The following DHRS4 variants were observed in gnomAD, a reference collection of about 807,000 sequenced individuals.
DHRS4 encodes the protein dehydrogenase/reductase SDR family member 4.
In DHRS4, 20 loss-of-function variants were observed where a neutral mutation model predicts 28.4. That is an observed-to-expected ratio of 0.71 (90% CI 0.50 to 1.02). The LOEUF is 1.02. Ranked by LOEUF, DHRS4 falls within the 50% of genes least tolerant of loss-of-function variation. The pLI, the probability that DHRS4 is intolerant of heterozygous loss-of-function variation, is 0.00. For missense variants in DHRS4, 378 were observed against 367.2 expected, an observed-to-expected ratio of 1.03 and a Z score of -0.24; for synonymous variants, 144 against 146.4, an observed-to-expected ratio of 0.98 and a Z score of 0.12.
rs1566469327 is a variant in DHRS4, at chr14:23,956,598, C to CTT, written c.306+1386_306+1387insTT. Among the ~76,000 whole-genome samples, 74 of 127,004 alleles carry CTT rather than the reference C, an allele frequency of 5.8e-4. 1 individual carries two copies. Among genetic ancestry groups the CTT allele is most frequent in the African/African-American group, 2.7e-3 (61 of 22,184 alleles). 83.3% of individuals were successfully genotyped at this position (127,004 alleles called of 152,430 possible). A position where few individuals can be genotyped will look rare whatever the true frequency, so the allele number is the denominator to read the frequency against. On this transcript the variant is annotated intron_variant, in intron 2 of 7. Transcript: ENST00000313250. ...AGATAGAGGCCATGGGCCTCCATAT[C>CTT]CTTTTTTTTTTTTTTTTTTTTTTGA...
rs1365658178 is a variant in DHRS4, at chr14:23,968,632, G to C, written c.723-125G>C. On this transcript the variant is annotated intron_variant, in intron 7 of 7. Transcript: ENST00000313250. ...ACCCTATTTGATAGGCAGAAAGCTT[G>C]TACACTGACCCTGAAAAAGCCATCT... is the stretch of plus-strand genomic sequence containing the variant. The C allele has an allele frequency of 9.9e-6, 15 of 1,514,592 alleles. 1 individual carries two copies. Among genetic ancestry groups the C allele is most frequent in the South Asian group, 9.8e-5 (8 of 81,858 alleles). 93.8% of individuals were successfully genotyped at this position (1,514,592 alleles called of 1,614,324 possible).
Position 23,968,754 on chromosome 14 carries a change from C to T in DHRS4, c.723-3C>T, listed in dbSNP as rs552533255. ...CTCCTTCCTTGCTTCCCTTATTCCC[C>T]AGGTTAGGCGAGCCAGAGGATTGTG... On this transcript the variant is annotated splice_polypyrimidine_tract_variant and splice_region_variant and intron_variant, in intron 7 of 7. Coordinates refer to ENST00000313250, the MANE Select transcript of DHRS4 (RefSeq NM_021004.4). 7.1e-5 allele frequency: 114 copies of T among 1,605,180 alleles called. 2 individuals carry two copies. In the South Asian group the frequency reaches 1.2e-3, roughly 17 times the overall value.
At chr14:23,959,374 A>T (rs1175792942) in intron 2 of DHRS4, among the ~76,000 whole-genome samples, 2 of 152,162 alleles carry the variant, frequency 1.3e-5, no homozygotes, top group East Asian at 3.9e-4. Context: ...CCTGGGCAAC[A>T]TGGCAAGACC....
chr14:23,964,794 T>C (rs1404703752), intron 3 of DHRS4, among the ~76,000 whole-genome samples: 99 of 147,990 alleles, frequency 6.7e-4, no homozygotes, highest in Non-Finnish European at 1.2e-3. Flanking sequence ...CAGGCTGTTC[T>C]CGAACTCCTG....
In DHRS4 at chr14:23,966,331, A is replaced by G. The variant is rs1251200239; in HGVS notation, c.580A>G (p.Lys194Glu). 1.2e-6 allele frequency: 2 copies of G among 1,614,062 alleles called. No homozygotes were observed. Among genetic ancestry groups the G allele is most frequent in the Non-Finnish European group, 1.7e-6 (2 of 1,180,024 alleles). The part of the protein sequence containing the change: ...VSKTALLGLT[K>E]TLAIELAPRN... ...TAAAACAGCCTTGCTGGGCCTGACC[A>G]AGACCCTGGCCATAGAGCTGGCCCC... Residue 194 changes from lysine to glutamate, a missense_variant, in exon 6 of 8, where the codon AAG (lysine) becomes GAG (glutamate). Physicochemically the swap from Lys to Glu is moderately conservative, Grantham distance 56. Transcript: ENST00000313250.
intron 1 of DHRS4, among the ~76,000 whole-genome samples, chr14:23,954,657 A>G (rs2033018949): frequency 6.6e-6 from 1 of 152,256 alleles, no homozygotes; most frequent in Non-Finnish European, 1.5e-5. Context: ...GATGTAGACG[A>G]GTAAGAAAGA....
intron 3 of DHRS4, among the ~76,000 whole-genome samples, chr14:23,963,293 G>T: frequency 8.3e-6 from 1 of 120,660 alleles, no homozygotes. Flanking sequence ...AGCTATTAAA[G>T]CCCTACATGG....
intron 2 of DHRS4, 29 bp downstream of exon 2, chr14:23,955,241 C>T: frequency 6.3e-7 from 1 of 1,599,996 alleles, no homozygotes; most frequent in South Asian, 1.1e-5. Flanking sequence ...GGCACAGAGC[C>T]AGGAGGTGGA....
rs1276909557 is a variant in DHRS4, at chr14:23,968,900, T to G, written c.*29T>G. On this transcript the variant is annotated 3_prime_UTR_variant, in exon 8 of 8. Coordinates refer to ENST00000313250, the MANE Select transcript of DHRS4 (RefSeq NM_021004.4). ...CCGGGAGACAGCCCACAGGCCAGAG[T>G]TGGGCTCTAGCTCCTGGTGCTGTTC... 3 of 1,605,468 alleles carry G rather than the reference T, an allele frequency of 1.9e-6. No homozygotes were observed. Among genetic ancestry groups the G allele is most frequent in the South Asian group, 2.2e-5 (2 of 89,844 alleles).
chr14:23,957,571 T>C (rs1415046830), intron 2 of DHRS4, among the ~76,000 whole-genome samples: 1 of 151,216 alleles, frequency 6.6e-6, no homozygotes, highest in Non-Finnish European at 1.5e-5. Flanking sequence ...TTTTTTTTTT[T>C]CCAGAGACAG....
chr14:23,960,797 G>C (rs181757243), intron 3 of DHRS4, among the ~76,000 whole-genome samples: 61 of 152,202 alleles, frequency 4.0e-4, no homozygotes, highest in African/African-American at 1.4e-3. Context: ...AGGAATATCT[G>C]AGCTGGGCAA....
chr14:23,961,346 C>T (rs1410185618), intron 3 of DHRS4, among the ~76,000 whole-genome samples: 8 of 130,118 alleles, frequency 6.1e-5, no homozygotes, highest in African/African-American at 2.5e-4. Context: ...GACCTTTTCT[C>T]TATATTAAAA....
chr14:23,966,061 T>C lies in DHRS4; in HGVS notation c.531+78T>C, dbSNP rs896418936. On this transcript the variant is annotated intron_variant, in intron 5 of 7. Transcript: ENST00000313250. Reference sequence around the variant, plus strand: ...CCACCCCTCCTATTACCCAAGGAAGTTTGTGTCCCCTTGTAGAATCACACC... The same window carrying C: ...CCACCCCTCCTATTACCCAAGGAAGCTTGTGTCCCCTTGTAGAATCACACC... 5 of 1,607,128 alleles carry C rather than the reference T, an allele frequency of 3.1e-6. No individual in the cohort carries two copies. In the African/African-American group the frequency reaches 4.0e-5, roughly 13 times the overall value.
chr14:23,957,555 TC>T (rs66683150), intron 2 of DHRS4, among the ~76,000 whole-genome samples: 22,349 of 148,836 alleles, frequency 0.15, 3,764 homozygotes, highest in African/African-American at 0.43. Context: ...TAGAAGACTT[TC>T]CTTTTTTTTT....
intron 2 of DHRS4, among the ~76,000 whole-genome samples, chr14:23,957,255 A>G (rs1021062748): frequency 6.6e-6 from 1 of 152,310 alleles, no homozygotes. Context: ...TTGTATGACC[A>G]TTGTCAGAGA....
At chr14:23,961,805 A>T (rs1409173881) in intron 3 of DHRS4, among the ~76,000 whole-genome samples, 1 of 140,608 alleles carries the variant, frequency 7.1e-6, no homozygotes, top group Non-Finnish European at 1.5e-5. Context: ...GAGCCACCAC[A>T]CACAGCCAGA....
intron 3 of DHRS4, among the ~76,000 whole-genome samples, chr14:23,961,659 C>T (rs1235435259): frequency 8.9e-6 from 1 of 111,906 alleles, no homozygotes; most frequent in African/African-American, 4.4e-5. Flanking sequence ...CCTGGGACTA[C>T]AGGCATGTGC....
chr14:23,966,343 A>T lies in DHRS4; in HGVS notation c.592A>T (p.Ile198Leu), dbSNP rs1477822924. ...GCTGGGCCTGACCAAGACCCTGGCC[A>T]TAGAGCTGGCCCCAAGGAACATTAG... The part of the protein sequence containing the change: ...ALLGLTKTLA[I>L]ELAPRNIRVN... Residue 198 changes from isoleucine to leucine, a missense_variant, in exon 6 of 8, where the codon ATA becomes TTA. Ile to Leu is a conservative substitution (Grantham distance 5). Coordinates refer to ENST00000313250, the MANE Select transcript of DHRS4 (RefSeq NM_021004.4). 1 of 1,614,068 alleles carries T rather than the reference A, an allele frequency of 6.2e-7. No homozygotes were observed. Among genetic ancestry groups the T allele is most frequent in the Non-Finnish European group, 8.5e-7 (1 of 1,180,028 alleles).
At chr14:23,968,211 C>T (rs1010169047) in intron 7 of DHRS4, 2 of 152,656 alleles carry the variant, frequency 1.3e-5, no homozygotes, top group African/African-American at 2.7e-5. Flanking sequence ...CTCTGCCCAC[C>T]TCTAGAGCAT....
Sources: allele counts gnomAD v4.1 joint callset (sites outside exome capture counted in the v4.1 genomes callset), GRCh38; gene constraint gnomAD v4.1.1; transcripts MANE v1.5; gene names NCBI Gene and HGNC (gene_info 2026-07-23, HGNC 2026-07-21).